The following SEPTIN7 variants were observed in gnomAD, a reference collection of about 807,000 sequenced individuals.
The protein encoded by SEPTIN7 is septin 7, also known as septin-7.
Under a neutral mutation model 63.3 loss-of-function variants are expected in SEPTIN7, and 10 were observed. The observed-to-expected ratio is 0.16, with a 90% CI of 0.10 to 0.27. The LOEUF (loss-of-function observed/expected upper bound fraction) is 0.27. Among genes scored for constraint, SEPTIN7 ranks in the 10% least tolerant of loss-of-function variants. The probability of loss-of-function intolerance (pLI) is 1.00; values close to 1 mark genes in which losing one functional copy is unlikely to be tolerated. For synonymous variants in SEPTIN7, 131 were observed against 165.3 expected, an observed-to-expected ratio of 0.79 and a Z score of 1.59; for missense variants, 310 against 521.0, an observed-to-expected ratio of 0.59 and a Z score of 3.94.
Position 35,866,021 on chromosome 7 carries a change from A to G in SEPTIN7, c.276+2363A>G, listed in dbSNP as rs116817349. Among the ~76,000 whole-genome samples the G allele has an allele frequency of 2.4e-3, 373 of 152,346 alleles. 2 individuals are homozygous for G. Among genetic ancestry groups the G allele is most frequent in the African/African-American group, 8.6e-3 (356 of 41,582 alleles). ...GGGTAATGGAGGTAAGAATATCTCT[A>G]GGAGGATTTTTAAGACAGAAGCCTG... On this transcript the variant is annotated intron_variant, in intron 4 of 13. Transcript: ENST00000350320.
At chr7:35,810,996 T>C (rs1342062724) in intron 1 of SEPTIN7, among the ~76,000 whole-genome samples, 2 of 151,468 alleles carry the variant, frequency 1.3e-5, no homozygotes, top group Non-Finnish European at 2.9e-5. Flanking sequence ...ATCGAACTCC[T>C]GACCTGAGGC....
At chr7:35,836,103 T>C (rs1157239788) in intron 3 of SEPTIN7, among the ~76,000 whole-genome samples, 1 of 152,136 alleles carries the variant, frequency 6.6e-6, no homozygotes, top group African/African-American at 2.4e-5. Context: ...TGATTGACAA[T>C]TTGATGGGGA....
At chr7:35,899,650 A>G (rs2116379737) in intron 12 of SEPTIN7, 1 of 152,382 alleles carries the variant, frequency 6.6e-6, no homozygotes, top group East Asian at 1.9e-4. Context: ...TGGGAGGCCA[A>G]AGAAGAAGGA....
In SEPTIN7 at chr7:35,863,369, C is replaced by CT. The variant is rs1305031512; in HGVS notation, c.170-182dup. On this transcript the variant is annotated intron_variant, in intron 3 of 13. Coordinates refer to ENST00000350320, the MANE Select transcript of SEPTIN7 (RefSeq NM_001788.6). ...GAAAAGAATCCCTGGAAACATGAGT[C>CT]TGATTTGATAGCTAAGCAACTGAGG... is the stretch of plus-strand genomic sequence containing the variant. Among the ~76,000 whole-genome samples, 4 of 152,150 alleles carry CT rather than the reference C, an allele frequency of 2.6e-5. No individual in the cohort carries two copies. In the East Asian group the frequency reaches 7.7e-4, roughly 29 times the overall value.
chr7:35,914,716 A>G, the SEPTIN7 span, among the ~76,000 whole-genome samples: 1 of 152,026 alleles, frequency 6.6e-6, no homozygotes, highest in South Asian at 2.1e-4. Flanking sequence ...ACACATATGT[A>G]TATATACATA....
At chr7:35,829,826 G>A (rs536636667) in intron 1 of SEPTIN7, among the ~76,000 whole-genome samples, 2 of 152,150 alleles carry the variant, frequency 1.3e-5, no homozygotes, top group Non-Finnish European at 2.9e-5. Context: ...GCTAAGGTGA[G>A]GAGTGGGGTC....
intron 3 of SEPTIN7, among the ~76,000 whole-genome samples, chr7:35,842,360 A>AG (rs1712786049): frequency 6.6e-6 from 1 of 151,542 alleles, no homozygotes; most frequent in African/African-American, 2.4e-5. Flanking sequence ...AAAAAAAAAA[A>AG]CCCTCATTTT....
At chr7:35,821,839 C>G (rs986126756) in intron 1 of SEPTIN7, among the ~76,000 whole-genome samples, 1 of 152,154 alleles carries the variant, frequency 6.6e-6, no homozygotes, top group African/African-American at 2.4e-5. Context: ...AGTGCAGTGG[C>G]ACGATCTTAG....
intron 2 of SEPTIN7, chr7:35,832,080 A>T (rs888938678): frequency 4.8e-5 from 22 of 453,788 alleles, no homozygotes; most frequent in African/African-American, 4.4e-4. Context: ...TTGGAAGTAG[A>T]TTTCTTTCAG....
chr7:35,802,513 TG>T (rs1463965321), intron 1 of SEPTIN7, among the ~76,000 whole-genome samples: 1 of 152,264 alleles, frequency 6.6e-6, no homozygotes, highest in Non-Finnish European at 1.5e-5. Context: ...AAAATATCTT[TG>T]TTAGTGCCCC....
At chr7:35,809,046 A>G (rs1788537141) in intron 1 of SEPTIN7, among the ~76,000 whole-genome samples, 1 of 152,360 alleles carries the variant, frequency 6.6e-6, no homozygotes, top group East Asian at 1.9e-4. Flanking sequence ...ATGTTATAGT[A>G]TCATAACATT....
At chr7:35,835,698 A>G (rs1784051906) in intron 3 of SEPTIN7, among the ~76,000 whole-genome samples, 1 of 152,224 alleles carries the variant, frequency 6.6e-6, no homozygotes, top group Admixed American at 6.5e-5. Context: ...CTTAAATAGT[A>G]CAAGTAATTT....
rs901717310 is a variant in SEPTIN7, at chr7:35,831,410, A to C, written c.62-82A>C. ...TGAATATGTCATTACAATTCTTGGA[A>C]TTCTTTGTTTACTGTTCCTCTGTGG... On this transcript the variant is annotated intron_variant, in intron 1 of 13. Transcript: ENST00000350320. 1.3e-5 allele frequency: 5 copies of C among 392,784 alleles called. No homozygotes were observed. In the Admixed American group the frequency reaches 1.4e-4, roughly 11 times the overall value. 24.3% of individuals were successfully genotyped at this position (392,784 alleles called of 1,614,324 possible).
intron 6 of SEPTIN7, among the ~76,000 whole-genome samples, chr7:35,878,311 T>C (rs1382818931): frequency 1.3e-5 from 2 of 151,816 alleles, no homozygotes; most frequent in African/African-American, 4.9e-5. Context: ...GTGTTCCAGC[T>C]AAGGTAGTAG....
intron 10 of SEPTIN7, 158 bp from the exon 11 acceptor site, chr7:35,890,510 A>G: frequency 1.8e-5 from 9 of 509,898 alleles, no homozygotes; most frequent in Non-Finnish European, 2.7e-5. Flanking sequence ...AGTGTAAATG[A>G]AAACAGATGA....
intron 1 of SEPTIN7, among the ~76,000 whole-genome samples, chr7:35,809,428 T>C (rs1184118616): frequency 6.6e-6 from 1 of 152,238 alleles, no homozygotes; most frequent in African/African-American, 2.4e-5. Flanking sequence ...AAAAAAGTTA[T>C]CAGACTATAT....
intron 11 of SEPTIN7, among the ~76,000 whole-genome samples, chr7:35,894,578 G>C (rs181436392): frequency 1.2e-4 from 19 of 152,124 alleles, no homozygotes; most frequent in African/African-American, 4.6e-4. Flanking sequence ...ATAGTAGTTG[G>C]AAGTTTTGTT....
intron 6 of SEPTIN7, 168 bp downstream of exon 6, chr7:35,873,943 T>C: frequency 1.7e-6 from 1 of 587,802 alleles, no homozygotes; most frequent in Non-Finnish European, 2.9e-6. Flanking sequence ...TTTTAAGTCC[T>C]ATATAAGCTA....
chr7:35,806,641 A>G (rs774762724), intron 1 of SEPTIN7, among the ~76,000 whole-genome samples: 6 of 152,262 alleles, frequency 3.9e-5, no homozygotes, highest in Non-Finnish European at 5.9e-5. Context: ...TAATCAAGAT[A>G]GAGAATACTT....
Sources: allele counts gnomAD v4.1 joint callset (sites outside exome capture counted in the v4.1 genomes callset), GRCh38; gene constraint gnomAD v4.1.1; transcripts MANE v1.5; gene names NCBI Gene and HGNC (gene_info 2026-07-23, HGNC 2026-07-21).